SLC9A8: variants seen among roughly 807,000 people sequenced by gnomAD.
SLC9A8 encodes sodium/hydrogen exchanger 8.
Under a neutral mutation model 66.6 loss-of-function variants are expected in SLC9A8, and 48 were observed. That is an observed-to-expected ratio of 0.72 (90% confidence interval 0.57 to 0.92). The LOEUF is 0.92. Among genes scored for constraint, SLC9A8 ranks in the 40% least tolerant of loss-of-function variants. The pLI is 0.00. For missense variants in SLC9A8, 599 were observed against 747.3 expected (o/e 0.80, Z 2.31); for synonymous variants, 274 against 282.6 (o/e 0.97, Z 0.31).
chr20:49,828,452 G>C (rs2087012967), intron 3 of SLC9A8, among the ~76,000 whole-genome samples: 1 of 150,370 alleles, frequency 6.7e-6, no homozygotes, highest in Non-Finnish European at 1.5e-5. Flanking sequence ...TTGAACTCCC[G>C]ACCTCAGGTG....
intron 11 of SLC9A8, among the ~76,000 whole-genome samples, chr20:49,875,775 C>A (rs896113383): frequency 6.6e-6 from 1 of 151,824 alleles, no homozygotes; most frequent in African/African-American, 2.4e-5. Context: ...TGCTGTGTCG[C>A]CCAGGCTGGG....
chr20:49,886,705 G>C lies in SLC9A8; in HGVS notation c.1492-47G>C. The C allele has an allele frequency of 6.3e-7, 1 of 1,592,720 alleles. No homozygotes were observed. Among genetic ancestry groups the C allele is most frequent in the Admixed American group, 1.7e-5 (1 of 57,870 alleles). ...TGGGGGCTTCCAGGAGGTGCCCCCC[G>C]ATGGTGCCAGCTGGTGGCCGTCGGG... On this transcript the variant is annotated intron_variant, in intron 14 of 15. Transcript: ENST00000361573. This position sits in a 1 kb window ranked among gnomAD's most constrained non-coding sequence, Gnocchi z 4.8.
intron 12 of SLC9A8, 100 bp downstream of exon 12, chr20:49,878,163 C>T: frequency 1.6e-6 from 1 of 633,780 alleles, no homozygotes; most frequent in Non-Finnish European, 2.5e-6. Flanking sequence ...TGTTCAAAGT[C>T]AACAGCTACA....
chr20:49,844,619 T>TAAAA lies in SLC9A8; in HGVS notation c.349-389_349-386dup, dbSNP rs35043669. Reference sequence around the variant, plus strand: ...GGCAACATAGCGGGACCCTGTATCTTAAAAAAAAAAAAAAAAAAAAAAAAA... The same window carrying TAAAA: ...GGCAACATAGCGGGACCCTGTATCTTAAAAAAAAAAAAAAAAAAAAAAAAAAAAA... On this transcript the variant is annotated intron_variant, in intron 4 of 15. Coordinates refer to ENST00000361573, the MANE Select transcript of SLC9A8 (RefSeq NM_015266.3). 2.5e-3 allele frequency among the ~76,000 whole-genome samples: 267 copies of TAAAA among 106,008 alleles called. 1 individual carries two copies. The highest frequency in any genetic ancestry group is 3.7e-3 in the Admixed American group (32 of 8,766). The allele number at this position is 106,008 out of a possible 152,430, so 69.5% of individuals were successfully genotyped here.
chr20:49,852,200 G>T (rs2088282492), intron 7 of SLC9A8, among the ~76,000 whole-genome samples: 1 of 152,222 alleles, frequency 6.6e-6, no homozygotes, highest in South Asian at 2.1e-4. Context: ...GCAGCGGCCA[G>T]TGGGAGAACA....
rs768327313 is a variant in SLC9A8, at chr20:49,823,044, TA to T, written c.209-16del. ...GAGTGTTTTTTTTAAAACATTGTAT[TA>T]TTTTTTTTTCCACAGCTATCTGCAT... On this transcript the variant is annotated splice_polypyrimidine_tract_variant and intron_variant, in intron 2 of 15. Transcript: ENST00000361573. 39 of 1,548,382 alleles carry T rather than the reference TA, an allele frequency of 2.5e-5. No individual in the cohort carries two copies. Among genetic ancestry groups the T allele is most frequent in the Admixed American group, 5.0e-5 (3 of 59,572 alleles).
chr20:49,817,629 C>T (rs2086602123), intron 2 of SLC9A8, among the ~76,000 whole-genome samples: 2 of 151,808 alleles, frequency 1.3e-5, no homozygotes, highest in African/African-American at 4.8e-5. Context: ...TCTGTCTCCA[C>T]AAAAAATAAA....
intron 10 of SLC9A8, among the ~76,000 whole-genome samples, chr20:49,872,642 T>C (rs1027132954): frequency 1.3e-5 from 2 of 152,104 alleles, no homozygotes; most frequent in Non-Finnish European, 2.9e-5. Flanking sequence ...TGTGCCACCA[T>C]GCCCAGCTAA....
At chr20:49,872,429 T>C (rs573299097) in intron 10 of SLC9A8, among the ~76,000 whole-genome samples, 21 of 151,532 alleles carry the variant, frequency 1.4e-4, no homozygotes, top group African/African-American at 5.1e-4. Context: ...AGTTGACAAG[T>C]CTGTAATACA....
intron 14 of SLC9A8, 172 bp downstream of exon 14, chr20:49,884,238 A>G (rs868668207): frequency 9.5e-5 from 12 of 126,550 alleles, no homozygotes; most frequent in Middle Eastern, 1.8e-3. Context: ...ACACACACAC[A>G]CACGACACAC....
chr20:49,878,418 ATAT>A (rs898995073), intron 12 of SLC9A8, among the ~76,000 whole-genome samples: 1 of 152,226 alleles, frequency 6.6e-6, no homozygotes, highest in Admixed American at 6.5e-5. Context: ...CCATGTAAAA[ATAT>A]TATGCACAGA....
chr20:49,882,919 G>T (rs1006223191), intron 13 of SLC9A8, among the ~76,000 whole-genome samples: 2 of 152,108 alleles, frequency 1.3e-5, no homozygotes, highest in Non-Finnish European at 2.9e-5. Context: ...GCCTGCAGCA[G>T]CCTGGCTGCC....
intron 10 of SLC9A8, among the ~76,000 whole-genome samples, chr20:49,870,945 C>T (rs1360365857): frequency 2.0e-5 from 3 of 152,190 alleles, no homozygotes; most frequent in African/African-American, 7.2e-5. Context: ...AGCAATCCAC[C>T]CACTTTGGCC....
intron 11 of SLC9A8, among the ~76,000 whole-genome samples, chr20:49,877,581 C>T (rs1006117102): frequency 7.9e-5 from 12 of 152,048 alleles, no homozygotes; most frequent in Admixed American, 7.9e-4. Flanking sequence ...AACCAGAGGC[C>T]CCTTCACATT....
chr20:49,813,087 T>C (rs1269353123), intron 1 of SLC9A8, 139 bp downstream of exon 1: 11 of 404,272 alleles, frequency 2.7e-5, no homozygotes, highest in African/African-American at 1.9e-4. Context: ...AGCCGGTGCC[T>C]ACGAGGAGGG....
chr20:49,844,073 C>T (rs1409563506), intron 4 of SLC9A8, among the ~76,000 whole-genome samples: 1 of 152,074 alleles, frequency 6.6e-6, no homozygotes, highest in African/African-American at 2.4e-5. Context: ...CTTTTCCGGA[C>T]AGCAGAATCA....
At chr20:49,863,299 G>T (rs1195323209) in intron 9 of SLC9A8, among the ~76,000 whole-genome samples, 1 of 152,188 alleles carries the variant, frequency 6.6e-6, no homozygotes, top group Non-Finnish European at 1.5e-5. Context: ...TACACTGTTG[G>T]ATATCAGATG....
chr20:49,887,558 G>A (rs1196463070), intron 15 of SLC9A8, among the ~76,000 whole-genome samples: 1 of 152,156 alleles, frequency 6.6e-6, no homozygotes, highest in Non-Finnish European at 1.5e-5. Context: ...ATAACTGGGA[G>A]CAGAGCTAAC....
chr20:49,884,231 C>T, intron 14 of SLC9A8, 165 bp downstream of exon 14: 4 of 223,576 alleles, frequency 1.8e-5, no homozygotes, highest in South Asian at 1.4e-4. Context: ...CACACACACA[C>T]ACACACACAC....
Sources: allele counts gnomAD v4.1 joint callset (sites outside exome capture counted in the v4.1 genomes callset), GRCh38; gene constraint gnomAD v4.1.1; non-coding constraint Gnocchi (gnomAD v3.1); transcripts MANE v1.5; gene names NCBI Gene and HGNC (gene_info 2026-07-23, HGNC 2026-07-21).